SDK1: variants seen among roughly 807,000 people sequenced by gnomAD.
SDK1 encodes sidekick cell adhesion molecule 1.
SDK1 carries 157 observed loss-of-function variants against 245.5 expected under a neutral mutation model. The observed-to-expected ratio is 0.64, with a 90% confidence interval of 0.56 to 0.73. The LOEUF (loss-of-function observed/expected upper bound fraction) is 0.73. SDK1 is among the 30% of genes least tolerant of loss of function. The probability of loss-of-function intolerance (pLI) is 0.00; values close to 1 mark genes in which losing one functional copy is unlikely to be tolerated. For missense variants in SDK1, 3,583 were observed against 3,002.3 expected (o/e 1.19, Z -4.52); for synonymous variants, 1,647 against 1,278.5 (o/e 1.29, Z -6.15).
Position 3,301,737 on chromosome 7 carries a change from C to T in SDK1, c.151C>T (p.Pro51Ser), listed in dbSNP as rs1366860624. 6 of 979,422 alleles carry T rather than the reference C, an allele frequency of 6.1e-6. No homozygotes were observed. Among genetic ancestry groups the T allele is most frequent in the Non-Finnish European group, 7.2e-6 (6 of 827,754 alleles). 60.7% of individuals were successfully genotyped at this position (979,422 alleles called of 1,614,324 possible). A position where few individuals can be genotyped will look rare whatever the true frequency, so the allele number is the denominator to read the frequency against. ...GCGCCCCGGCCCGGAGCCCTCGCGA[C>T]CCCGGGCGGCGCCCGAGACCTCCGG... ...APRPGPEPSRPRAAPETSGGD... is the reference protein window; with the variant it reads ...APRPGPEPSRSRAAPETSGGD... Residue 51 changes from proline (P) to serine (S), a missense_variant, in exon 1 of 45, where the codon CCC becomes TCC. By Grantham distance (74) the Pro-to-Ser change is moderately conservative. Transcript: ENST00000404826.
intron 14 of SDK1, among the ~76,000 whole-genome samples, chr7:3,988,620 AT>A (rs1784056976): frequency 1.3e-5 from 2 of 152,082 alleles, no homozygotes; most frequent in African/African-American, 4.8e-5. Context: ...CACGGATTTT[AT>A]GTTGACTCCC....
intron 4 of SDK1, among the ~76,000 whole-genome samples, chr7:3,687,493 G>C (rs982767909): frequency 1.8e-4 from 27 of 152,320 alleles, no homozygotes; most frequent in Admixed American, 4.6e-4. Context: ...GCTGGTAACA[G>C]ATATCGAACC....
chr7:3,880,159 C>T (rs773712395), intron 5 of SDK1, among the ~76,000 whole-genome samples: 10 of 152,218 alleles, frequency 6.6e-5, no homozygotes, highest in Non-Finnish European at 1.2e-4. Context: ...TAATGCTCGC[C>T]GCACTCCTCA....
chr7:3,511,227 T>G (rs946223013), intron 1 of SDK1, among the ~76,000 whole-genome samples: 1 of 152,248 alleles, frequency 6.6e-6, no homozygotes, highest in Non-Finnish European at 1.5e-5. Context: ...CCTTCTTGGG[T>G]ACTTACAAGA....
rs532944181 is a variant in SDK1 at position 3,789,664 on chromosome 7, C to T, written c.714-31786C>T. 1.5e-3 allele frequency among the ~76,000 whole-genome samples: 222 copies of T among 152,288 alleles called. 3 individuals carry two copies. Among genetic ancestry groups the T allele is most frequent in the South Asian group, 0.01 (50 of 4,822 alleles). On this transcript the variant is annotated intron_variant, in intron 4 of 44. Transcript: ENST00000404826. The stretch of plus-strand genomic sequence containing the variant: ...TGGAGCATTAACTCTACACTTATAT[C>T]ATCTCTTCCTCCTGAAACCCCATGA...
chr7:3,855,529 ATGT>A (rs1360403726), intron 5 of SDK1, among the ~76,000 whole-genome samples: 3,759 of 152,316 alleles, frequency 0.025, 154 homozygotes, highest in African/African-American at 0.086. Flanking sequence ...TTCTCCTAGG[ATGT>A]ATCAACAGAA....
At chr7:3,666,908 G>T (rs975706641) in intron 4 of SDK1, among the ~76,000 whole-genome samples, 23 of 152,112 alleles carry the variant, frequency 1.5e-4, no homozygotes, top group Non-Finnish European at 2.8e-4. Flanking sequence ...AGAGGTGTTG[G>T]CTGGTGCAGT....
Position 4,208,108 on chromosome 7 carries a change from T to C in SDK1, c.5224T>C (p.Trp1742Arg). The change falls in exon 37 of 45, where the codon TGG (tryptophan) becomes CGG (arginine). Residue 1742 changes from tryptophan to arginine, a missense_variant. Physicochemically the swap from Trp to Arg is moderately radical, Grantham distance 101 (BLOSUM62 -3). Transcript: ENST00000404826. ...TTGCTGTTCCTAACAGATTTACTAC[T>C]GGGAGGCAGACAGCCAGAACGAAAC... ...GNIQGYKIYY[W>R]EADSQNETEK... 1 of 1,612,740 alleles carries C rather than the reference T, an allele frequency of 6.2e-7. No homozygotes were observed.
At chr7:3,839,442 G>A (rs1448172344) in intron 5 of SDK1, among the ~76,000 whole-genome samples, 2 of 152,172 alleles carry the variant, frequency 1.3e-5, no homozygotes, top group African/African-American at 4.8e-5. Flanking sequence ...AATGTTTGAT[G>A]ATAAATCACT....
chr7:4,178,462 C>T (rs768308127), intron 34 of SDK1, 23 bp from the exon 35 acceptor site: 1 of 1,542,708 alleles, frequency 6.5e-7, no homozygotes, highest in East Asian at 2.2e-5. Context: ...GGAAGCTGAT[C>T]CATATTTCCT....
At position 3,368,738 on chromosome 7, in the gene SDK1, A is replaced by G. The variant is rs1186549167; in HGVS notation, c.298+66854A>G. ...TGTGCCACCTCTGTCTTCCCACTCT[A>G]TTCCAAACCTCCTGGGCTGGTAGGA... On this transcript the variant is annotated intron_variant, in intron 1 of 44. Coordinates refer to ENST00000404826, the MANE Select transcript of SDK1 (RefSeq NM_152744.4). Among the ~76,000 whole-genome samples the G allele has an allele frequency of 2.0e-5, 3 of 152,300 alleles. No homozygotes were observed. The East Asian group carries it at 5.8e-4, about 29-fold the overall frequency.
intron 1 of SDK1, among the ~76,000 whole-genome samples, chr7:3,561,445 C>T (rs901092126): frequency 2.0e-5 from 3 of 152,158 alleles, no homozygotes; most frequent in African/African-American, 7.2e-5. Flanking sequence ...ACGTGTTAGA[C>T]TCCACAAGCA....
At chr7:4,238,826 G>A (rs531731149) in intron 42 of SDK1, among the ~76,000 whole-genome samples, 30 of 151,662 alleles carry the variant, frequency 2.0e-4, no homozygotes, top group Admixed American at 5.9e-4. Flanking sequence ...GGGATTACAG[G>A]TGTGAGCCAC....
chr7:3,824,075 A>G (rs1439018809), intron 5 of SDK1, among the ~76,000 whole-genome samples: 4 of 151,800 alleles, frequency 2.6e-5, no homozygotes, highest in Non-Finnish European at 5.9e-5. Context: ...TCTGGCATCC[A>G]GTGAGGGCTC....
intron 5 of SDK1, among the ~76,000 whole-genome samples, chr7:3,855,164 C>G (rs1309738816): frequency 6.6e-6 from 1 of 152,022 alleles, no homozygotes; most frequent in East Asian, 1.9e-4. Context: ...ATAAGATCCT[C>G]AAGAGCACAT....
At chr7:3,967,532 A>G (rs1782173295) in intron 10 of SDK1, 98 bp downstream of exon 10, 1 of 766,180 alleles carries the variant, frequency 1.3e-6, no homozygotes, top group Non-Finnish European at 2.3e-6. Flanking sequence ...TTATTCACTT[A>G]TGCATTCACT....
At chr7:3,564,108 A>G (rs977348365) in intron 1 of SDK1, among the ~76,000 whole-genome samples, 17 of 152,226 alleles carry the variant, frequency 1.1e-4, no homozygotes, top group African/African-American at 3.8e-4. Flanking sequence ...TTTATTAAAT[A>G]TTAGGAAACA....
intron 22 of SDK1, among the ~76,000 whole-genome samples, chr7:4,094,603 A>G (rs1046560214): frequency 1.4e-4 from 22 of 152,250 alleles, no homozygotes; most frequent in African/African-American, 5.1e-4. Context: ...GCAGGTGGCC[A>G]TGCCTCAGAG....
chr7:3,947,572 T>TA (rs1780631334), intron 5 of SDK1, among the ~76,000 whole-genome samples: 1 of 137,106 alleles, frequency 7.3e-6, no homozygotes, highest in Non-Finnish European at 1.6e-5. Flanking sequence ...GTGTGTGTAT[T>TA]TTTTTGTAAA....
Sources: gnomAD v4.1 joint callset for allele counts (sites outside exome capture counted in the v4.1 genomes callset) on GRCh38, gnomAD v4.1.1 for gene constraint, MANE v1.5 for transcripts, NCBI Gene and HGNC (gene_info 2026-07-23, HGNC 2026-07-21) for gene names.